Variants in FOXN3 observed in about 807,000 individuals in gnomAD.
FOXN3 encodes forkhead box N3, also known as forkhead box protein N3.
A neutral mutation model predicts 38.4 loss-of-function variants in FOXN3; 7 were observed. The ratio of observed to expected loss-of-function variants is 0.18; its 90% CI spans 0.10 to 0.34. The LOEUF (loss-of-function observed/expected upper bound fraction) is 0.34, where lower values mean the gene tolerates loss of function less well. Ranked by LOEUF, FOXN3 falls within the 10% of genes least tolerant of loss-of-function variation. The pLI is 1.00. For missense variants in FOXN3, 456 were observed against 613.4 expected (o/e 0.74, Z 2.71); for synonymous variants, 230 against 242.2 (o/e 0.95, Z 0.47).
chr14:89,314,158 T>G (rs977168278), intron 3 of FOXN3, among the ~76,000 whole-genome samples: 11 of 152,202 alleles, frequency 7.2e-5, no homozygotes, highest in Admixed American at 7.2e-4. Flanking sequence ...TTTTAAAAAT[T>G]TTTCTTAAAA....
At chr14:89,575,918 T>A (rs1895603461) in intron 1 of FOXN3, among the ~76,000 whole-genome samples, 1 of 152,210 alleles carries the variant, frequency 6.6e-6, no homozygotes, top group Non-Finnish European at 1.5e-5. Context: ...GGGGACCAGA[T>A]GCCTCTATGC....
At chr14:89,606,766 T>C (rs1029418634) in intron 1 of FOXN3, among the ~76,000 whole-genome samples, 7 of 152,082 alleles carry the variant, frequency 4.6e-5, no homozygotes, top group Admixed American at 3.9e-4. Context: ...AGGGGAAGCT[T>C]GAACCTGGGA....
chr14:89,483,519 C>G (rs946333556), intron 1 of FOXN3, among the ~76,000 whole-genome samples: 2 of 152,208 alleles, frequency 1.3e-5, no homozygotes, highest in Non-Finnish European at 2.9e-5. Context: ...AGTGATTCTC[C>G]TGCCTCAGCC....
intron 3 of FOXN3, among the ~76,000 whole-genome samples, chr14:89,343,716 A>G (rs1166689590): frequency 8.0e-6 from 1 of 125,118 alleles, no homozygotes; most frequent in Non-Finnish European, 1.7e-5. Flanking sequence ...AATGTCTGGA[A>G]TTTATTCCAA....
intron 1 of FOXN3, among the ~76,000 whole-genome samples, chr14:89,465,703 T>A (rs1892965152): frequency 6.6e-6 from 1 of 152,188 alleles, no homozygotes; most frequent in Non-Finnish European, 1.5e-5. Flanking sequence ...ACTTGAGCTA[T>A]TTATCATTTC....
chr14:89,463,644 A>C (rs1490965613), intron 1 of FOXN3, among the ~76,000 whole-genome samples: 1 of 152,028 alleles, frequency 6.6e-6, no homozygotes, highest in Non-Finnish European at 1.5e-5. Flanking sequence ...GGCTCCTGAG[A>C]CCTCTTCAGT....
At chr14:89,407,490 C>T (rs1891423379) in intron 2 of FOXN3, among the ~76,000 whole-genome samples, 1 of 152,154 alleles carries the variant, frequency 6.6e-6, no homozygotes, top group East Asian at 1.9e-4. Context: ...GTCAATTATT[C>T]TTATGTATAC....
chr14:89,573,624 T>C (rs944707128), intron 1 of FOXN3, among the ~76,000 whole-genome samples: 1 of 152,066 alleles, frequency 6.6e-6, no homozygotes, highest in African/African-American at 2.4e-5. Flanking sequence ...AGTTTCTAAA[T>C]TGCACTGGAA....
intron 2 of FOXN3, chr14:89,409,175 A>G (rs1159267325): frequency 6.6e-6 from 1 of 152,274 alleles, no homozygotes; most frequent in Non-Finnish European, 1.5e-5. Flanking sequence ...CTGGCATTTG[A>G]TCAGAAACAT....
intron 3 of FOXN3, chr14:89,333,189 GA>G: frequency 6.2e-6 from 1 of 161,160 alleles, no homozygotes; most frequent in Non-Finnish European, 1.4e-5. Flanking sequence ...CAGCACTTGG[GA>G]AGCCGAGGCA....
At chr14:89,477,133 C>T (rs1253693776) in intron 1 of FOXN3, among the ~76,000 whole-genome samples, 2 of 152,152 alleles carry the variant, frequency 1.3e-5, no homozygotes, top group South Asian at 2.1e-4. Flanking sequence ...GGAACACTCA[C>T]GTTTGAATAC....
intron 2 of FOXN3, among the ~76,000 whole-genome samples, chr14:89,369,644 A>G (rs1890258527): frequency 6.6e-6 from 1 of 152,124 alleles, no homozygotes; most frequent in African/African-American, 2.4e-5. Flanking sequence ...CATGTCTTAC[A>G]TGGCAGAGAA....
intron 1 of FOXN3, among the ~76,000 whole-genome samples, chr14:89,518,500 A>C (rs891848537): frequency 6.6e-6 from 1 of 152,224 alleles, no homozygotes; most frequent in Non-Finnish European, 1.5e-5. Flanking sequence ...ATGGGAAACA[A>C]GTTAGACAGC....
intron 1 of FOXN3, among the ~76,000 whole-genome samples, chr14:89,551,076 A>AC (rs1184643117): frequency 6.6e-6 from 1 of 152,224 alleles, no homozygotes; most frequent in Non-Finnish European, 1.5e-5. Flanking sequence ...GAAGTTACGC[A>AC]CAATGACATC....
chr14:89,608,225 C>T (rs1294103981), intron 1 of FOXN3, among the ~76,000 whole-genome samples: 55 of 152,260 alleles, frequency 3.6e-4, no homozygotes, highest in Non-Finnish European at 4.7e-4. Flanking sequence ...CTCGATCTCC[C>T]GACCTCGTGA....
At chr14:89,336,137 TAC>T (rs34950734) in intron 3 of FOXN3, among the ~76,000 whole-genome samples, 67,282 of 139,716 alleles carry the variant, frequency 0.48, 16,200 homozygotes, top group East Asian at 0.58. Flanking sequence ...AAGTGATCCT[TAC>T]ACACACACAC....
chr14:89,513,391 A>AT (rs905411980), intron 1 of FOXN3, among the ~76,000 whole-genome samples: 2 of 150,596 alleles, frequency 1.3e-5, no homozygotes, highest in Non-Finnish European at 3.0e-5. Flanking sequence ...TGCCCAGCCA[A>AT]TTTTTTTGTT....
At chr14:89,180,906 G>C (rs1368825909) in intron 4 of FOXN3, 100 bp from the exon 5 acceptor site, 15 of 401,838 alleles carry the variant, frequency 3.7e-5, no homozygotes, top group African/African-American at 5.2e-5. Flanking sequence ...GAGAGAGAGA[G>C]AGACAGAGGG....
At chr14:89,500,401 G>A (rs1893771118) in intron 1 of FOXN3, among the ~76,000 whole-genome samples, 1 of 152,204 alleles carries the variant, frequency 6.6e-6, no homozygotes, top group South Asian at 2.1e-4. Flanking sequence ...GAGAGACTGG[G>A]AGAAGCTTCA....
Sources: gnomAD v4.1 joint callset for allele counts (sites outside exome capture counted in the v4.1 genomes callset) on GRCh38, gnomAD v4.1.1 for gene constraint, MANE v1.5 for transcripts, NCBI Gene and HGNC (gene_info 2026-07-23, HGNC 2026-07-21) for gene names.